SH3BGRL2: variants seen among roughly 807,000 people sequenced by gnomAD.
SH3BGRL2 encodes the protein SH3 domain binding glutamate rich protein like 2, also known as SH3 domain-binding glutamic acid-rich-like protein 2.
Under a neutral mutation model 14.8 loss-of-function variants are expected in SH3BGRL2, and 21 were observed. That is an observed-to-expected ratio of 1.42 (90% CI 1.01 to 2.05). The LOEUF is 2.05. SH3BGRL2 is among the 30% of genes most tolerant of loss of function. The probability of loss-of-function intolerance (pLI) is 0.00; values close to 1 mark genes in which losing one functional copy is unlikely to be tolerated. For synonymous variants in SH3BGRL2, 50 were observed against 47.8 expected (o/e 1.05, Z -0.19); for missense variants, 147 against 130.8 (o/e 1.12, Z -0.61).
At chr6:79,678,282 A>G (rs1314826751) in intron 2 of SH3BGRL2, among the ~76,000 whole-genome samples, 4 of 149,112 alleles carry the variant, frequency 2.7e-5, no homozygotes, top group East Asian at 2.4e-4. Context: ...TATATCCCTT[A>G]AACAACTCCC....
chr6:79,554,032 T>C, the SH3BGRL2 span, among the ~76,000 whole-genome samples: 1 of 152,034 alleles, frequency 6.6e-6, no homozygotes, highest in South Asian at 2.1e-4. Flanking sequence ...TTTTAAGGAC[T>C]CTTCCTCCTG....
chr6:79,666,705 C>T (rs180981077), intron 1 of SH3BGRL2, among the ~76,000 whole-genome samples: 1 of 152,244 alleles, frequency 6.6e-6, no homozygotes, highest in African/African-American at 2.4e-5. Flanking sequence ...TTGTAAGTTT[C>T]GTCAAGCTGT....
At chr6:79,635,650 C>T (rs925854031) in intron 1 of SH3BGRL2, among the ~76,000 whole-genome samples, 2 of 152,138 alleles carry the variant, frequency 1.3e-5, no homozygotes, top group Non-Finnish European at 2.9e-5. Flanking sequence ...TTCCATGGGG[C>T]AGGGTGAAAT....
At chr6:79,571,682 C>T in the SH3BGRL2 span, among the ~76,000 whole-genome samples, 6 of 152,054 alleles carry the variant, frequency 3.9e-5, no homozygotes, top group Non-Finnish European at 8.8e-5. Flanking sequence ...ACAGCCAAGT[C>T]CCTTTACCTT....
chr6:79,613,850 C>A, the SH3BGRL2 span, among the ~76,000 whole-genome samples: 26 of 152,104 alleles, frequency 1.7e-4, no homozygotes, highest in African/African-American at 5.8e-4. Context: ...TCAGGTGATC[C>A]GCCTGCCCAG....
the SH3BGRL2 span, among the ~76,000 whole-genome samples, chr6:79,594,728 A>G: frequency 6.6e-6 from 1 of 152,178 alleles, no homozygotes; most frequent in African/African-American, 2.4e-5. Context: ...GAGGAGTCTT[A>G]GCAAATCTGA....
rs13193385 is a variant in SH3BGRL2 at position 79,693,063 on chromosome 6, G to A, written c.232-3422G>A. Among the ~76,000 whole-genome samples the A allele has an allele frequency of 3.3e-5, 5 of 151,638 alleles. No homozygotes were observed. In the South Asian group the frequency reaches 1.0e-3, roughly 32 times the overall value. On this transcript the variant is annotated intron_variant, in intron 2 of 3. Coordinates refer to ENST00000369838, the MANE Select transcript of SH3BGRL2 (RefSeq NM_031469.4). ...AGTGGTTTGTAGTTCTCCTTGAAGA[G>A]GTCCTTCACATCCCTTGTAAGTTGG... is the stretch of plus-strand genomic sequence containing the variant.
chr6:79,697,016 A>G (rs938380636), intron 3 of SH3BGRL2, among the ~76,000 whole-genome samples: 2 of 152,172 alleles, frequency 1.3e-5, no homozygotes, highest in Non-Finnish European at 2.9e-5. Context: ...TAATCAAAAT[A>G]TTTTGAAGCC....
chr6:79,661,449 G>A (rs1347598347), intron 1 of SH3BGRL2, among the ~76,000 whole-genome samples: 5 of 152,198 alleles, frequency 3.3e-5, no homozygotes, highest in East Asian at 3.8e-4. Flanking sequence ...TTTTGAATGA[G>A]TTTCTTAATC....
At chr6:79,633,583 A>T (rs1222114227) in intron 1 of SH3BGRL2, among the ~76,000 whole-genome samples, 1 of 152,166 alleles carries the variant, frequency 6.6e-6, no homozygotes, top group African/African-American at 2.4e-5. Context: ...GAAGACATAC[A>T]CAGTTACCAC....
the SH3BGRL2 span, among the ~76,000 whole-genome samples, chr6:79,597,007 A>G: frequency 6.6e-6 from 1 of 152,172 alleles, no homozygotes; most frequent in Non-Finnish European, 1.5e-5. Context: ...AGGCGGGTGG[A>G]TCCAGTGAGG....
At chr6:79,604,403 T>C in the SH3BGRL2 span, among the ~76,000 whole-genome samples, 1 of 152,236 alleles carries the variant, frequency 6.6e-6, no homozygotes, top group Admixed American at 6.5e-5. Flanking sequence ...TTCTCATTTA[T>C]CAGGTAAGCA....
intron 1 of SH3BGRL2, among the ~76,000 whole-genome samples, chr6:79,633,246 G>C (rs1470391046): frequency 6.6e-6 from 1 of 152,114 alleles, no homozygotes; most frequent in African/African-American, 2.4e-5. Context: ...GCCTGGTTAA[G>C]GTACCTCATC....
At chr6:79,641,648 T>C (rs1288733014) in intron 1 of SH3BGRL2, among the ~76,000 whole-genome samples, 1 of 152,190 alleles carries the variant, frequency 6.6e-6, no homozygotes, top group Non-Finnish European at 1.5e-5. Context: ...AATGAATGAT[T>C]TTGCATTAGG....
At chr6:79,624,901 A>G in the SH3BGRL2 span, among the ~76,000 whole-genome samples, 12 of 152,080 alleles carry the variant, frequency 7.9e-5, no homozygotes, top group African/African-American at 2.9e-4. Flanking sequence ...GGTGGGCTCC[A>G]TGGCTCACGC....
chr6:79,659,094 T>C lies in SH3BGRL2; in HGVS notation c.46-14520T>C, dbSNP rs185563426. On this transcript the variant is annotated intron_variant, in intron 1 of 3. Transcript: ENST00000369838. ...TTTCTCCCATTCTATAAGTTTCCTG[T>C]TCACTCTGCTGGTAGTTTCTTTTGC... is the stretch of plus-strand genomic sequence containing the variant. 1.6e-3 allele frequency among the ~76,000 whole-genome samples: 246 copies of C among 152,326 alleles called. 1 individual carries two copies. The highest frequency in any genetic ancestry group is 5.6e-3 in the African/African-American group (233 of 41,578).
chr6:79,607,806 G>A, the SH3BGRL2 span, among the ~76,000 whole-genome samples: 23 of 152,104 alleles, frequency 1.5e-4, no homozygotes, highest in Non-Finnish European at 2.1e-4. Flanking sequence ...TTAGTCGGGC[G>A]TGGTGGCAGG....
At chr6:79,638,965 A>G (rs1274356761) in intron 1 of SH3BGRL2, among the ~76,000 whole-genome samples, 1 of 152,216 alleles carries the variant, frequency 6.6e-6, no homozygotes, top group African/African-American at 2.4e-5. Flanking sequence ...GGTGGTTTGC[A>G]CATTGCAGGA....
chr6:79,544,473 C>T, the SH3BGRL2 span, among the ~76,000 whole-genome samples: 1 of 152,138 alleles, frequency 6.6e-6, no homozygotes, highest in Non-Finnish European at 1.5e-5. Context: ...CAATTGATGT[C>T]ACCCTGGTAG....
Sources: allele counts gnomAD v4.1 joint callset (sites outside exome capture counted in the v4.1 genomes callset), GRCh38; gene constraint gnomAD v4.1.1; transcripts MANE v1.5; gene names NCBI Gene and HGNC (gene_info 2026-07-23, HGNC 2026-07-21).